The following SDK1 variants were observed in gnomAD, a reference collection of about 807,000 sequenced individuals.
The protein encoded by SDK1 is sidekick cell adhesion molecule 1, also known as protein sidekick-1.
A neutral mutation model predicts 245.5 loss-of-function variants in SDK1; 157 were observed. That is an observed-to-expected ratio of 0.64 (90% CI 0.56 to 0.73). The LOEUF (loss-of-function observed/expected upper bound fraction) is 0.73, where lower values mean the gene tolerates loss of function less well. Among genes scored for constraint, SDK1 ranks in the 30% least tolerant of loss-of-function variants. The pLI is 0.00. For synonymous variants in SDK1, 1,647 were observed against 1,278.5 expected (o/e 1.29, Z -6.15); for missense variants, 3,583 against 3,002.3 (o/e 1.19, Z -4.52).
intron 1 of SDK1, among the ~76,000 whole-genome samples, chr7:3,336,006 C>T (rs1038664755): frequency 1.3e-5 from 2 of 152,088 alleles, no homozygotes; most frequent in Non-Finnish European, 2.9e-5. Flanking sequence ...TTACTATCTC[C>T]CACATGTCTA....
chr7:3,320,518 A>G (rs1779776561), intron 1 of SDK1, among the ~76,000 whole-genome samples: 2 of 152,148 alleles, frequency 1.3e-5, no homozygotes, highest in African/African-American at 4.8e-5. Context: ...GGTATATGAA[A>G]ACCCTAAAGA....
At chr7:3,832,549 G>T (rs897158750) in intron 5 of SDK1, among the ~76,000 whole-genome samples, 1 of 152,168 alleles carries the variant, frequency 6.6e-6, no homozygotes, top group African/African-American at 2.4e-5. Flanking sequence ...TAAAGTATCT[G>T]TTAAAGTGAA....
intron 1 of SDK1, among the ~76,000 whole-genome samples, chr7:3,581,115 T>C (rs1397225221): frequency 6.6e-6 from 1 of 151,794 alleles, no homozygotes; most frequent in African/African-American, 2.4e-5. Context: ...ACAAATGGGA[T>C]CTAATTAAAC....
Position 4,251,454 on chromosome 7 carries a change from A to C in SDK1, c.6381+5649A>C, listed in dbSNP as rs116233718. On this transcript the variant is annotated intron_variant, in intron 44 of 44. Coordinates refer to ENST00000404826, the MANE Select transcript of SDK1 (RefSeq NM_152744.4). ...TCCTCCACCAGAGAGCTGTGAGGAC[A>C]CATAGGAATTGTTGTCTACCACGGC... is the stretch of plus-strand genomic sequence containing the variant. Among the ~76,000 whole-genome samples the C allele has an allele frequency of 6.8e-3, 1,037 of 152,332 alleles. 11 individuals are homozygous for C. The highest frequency in any genetic ancestry group is 0.02 in the African/African-American group (834 of 41,576).
chr7:4,004,796 T>A (rs540581265), intron 14 of SDK1, among the ~76,000 whole-genome samples: 4 of 152,282 alleles, frequency 2.6e-5, no homozygotes, highest in East Asian at 1.9e-4. Context: ...CACCTGCTAT[T>A]CAGTCTATAT....
intron 1 of SDK1, among the ~76,000 whole-genome samples, chr7:3,354,985 T>G (rs1780754042): frequency 6.6e-6 from 1 of 152,214 alleles, no homozygotes; most frequent in Non-Finnish European, 1.5e-5. Context: ...GTGGGGAAGC[T>G]CTAATTATAT....
At chr7:3,962,520 T>C in intron 8 of SDK1, 137 bp from the exon 9 acceptor site, 1 of 724,736 alleles carries the variant, frequency 1.4e-6, no homozygotes, top group Non-Finnish European at 2.2e-6. Flanking sequence ...AATAGCTCCT[T>C]ATAGGGTGGT....
At chr7:3,715,375 G>C (rs769292882) in intron 4 of SDK1, among the ~76,000 whole-genome samples, 2 of 152,254 alleles carry the variant, frequency 1.3e-5, no homozygotes, top group Middle Eastern at 3.4e-3. Flanking sequence ...GGTAGGCTAC[G>C]TAGGTTCTTC....
At chr7:3,441,986 C>G (rs1032553750) in intron 1 of SDK1, among the ~76,000 whole-genome samples, 3 of 152,148 alleles carry the variant, frequency 2.0e-5, no homozygotes, top group African/African-American at 4.8e-5. Flanking sequence ...GATGCCTTAT[C>G]CAGAGCAGCT....
rs1292199670 is a variant in SDK1 at position 3,418,145 on chromosome 7, G to GCAAAAAAAAAA, written c.298+116261_298+116262insCAAAAAAAAAA. ...GTGAAACCCGATCTCTACTAAAAAT[G>GCAAAAAAAAAA]AAAAAAAAAAAAAAAAAAAAAAATA... On this transcript the variant is annotated intron_variant, in intron 1 of 44. Transcript: ENST00000404826. Among the ~76,000 whole-genome samples, 98 of 119,718 alleles carry GCAAAAAAAAAA rather than the reference G, an allele frequency of 8.2e-4. 8 individuals are homozygous for GCAAAAAAAAAA. Among genetic ancestry groups the GCAAAAAAAAAA allele is most frequent in the African/African-American group, 3.4e-3 (87 of 25,780 alleles). The allele number at this position is 119,718 out of a possible 152,430, so 78.5% of individuals were successfully genotyped here. A position where few individuals can be genotyped will look rare whatever the true frequency, so the allele number is the denominator to read the frequency against.
chr7:3,688,656 T>C (rs562193888), intron 4 of SDK1, among the ~76,000 whole-genome samples: 121 of 152,354 alleles, frequency 7.9e-4, no homozygotes, highest in African/African-American at 2.7e-3. Context: ...TTTCCTCATC[T>C]AGAGTTTTAG....
chr7:4,079,283 G>A (rs1780904317), intron 21 of SDK1, among the ~76,000 whole-genome samples, 180 bp from the exon 22 acceptor site: 1 of 152,234 alleles, frequency 6.6e-6, no homozygotes, highest in South Asian at 2.1e-4. Flanking sequence ...CAAAAACCAT[G>A]CACTGATCAT....
chr7:3,804,000 G>C (rs1447697842), intron 4 of SDK1, among the ~76,000 whole-genome samples: 1 of 152,056 alleles, frequency 6.6e-6, no homozygotes, highest in African/African-American at 2.4e-5. Flanking sequence ...TCCTGACCTC[G>C]TGATCCACCT....
At chr7:3,934,847 A>G (rs1780100655) in intron 5 of SDK1, among the ~76,000 whole-genome samples, 1 of 152,210 alleles carries the variant, frequency 6.6e-6, no homozygotes, top group African/African-American at 2.4e-5. Context: ...CAAAGGACAC[A>G]GCATGGAAAG....
At chr7:4,108,285 G>T (rs531546784) in intron 22 of SDK1, among the ~76,000 whole-genome samples, 121 of 152,306 alleles carry the variant, frequency 7.9e-4, no homozygotes, top group Admixed American at 2.2e-3. Context: ...CCAACCCCAG[G>T]TTCGCCTAGA....
chr7:3,909,273 T>C (rs77057753), intron 5 of SDK1, among the ~76,000 whole-genome samples: 9,049 of 152,136 alleles, frequency 0.059, 905 homozygotes, highest in African/African-American at 0.21. Flanking sequence ...CAGCAGGCTC[T>C]CTCGGGTGGT....
intron 2 of SDK1, among the ~76,000 whole-genome samples, chr7:3,621,640 C>T (rs539377920): frequency 1.3e-5 from 2 of 152,256 alleles, no homozygotes; most frequent in South Asian, 2.1e-4. Flanking sequence ...GTGTAGGCAC[C>T]AAGCCATTTC....
intron 1 of SDK1, among the ~76,000 whole-genome samples, chr7:3,477,058 C>G (rs1583916621): frequency 1.3e-5 from 2 of 152,246 alleles, no homozygotes; most frequent in East Asian, 3.9e-4. Flanking sequence ...TCAAATGAGT[C>G]TGATTGTGAC....
intron 5 of SDK1, among the ~76,000 whole-genome samples, chr7:3,903,131 G>GGTTTTGTTTTTT (rs1781844801): frequency 6.7e-6 from 1 of 149,300 alleles, no homozygotes; most frequent in South Asian, 2.2e-4. Flanking sequence ...GTTTGTTTGT[G>GGTTTTGTTTTTT]GTTTTGTTTT....
Sources: allele counts gnomAD v4.1 joint callset (sites outside exome capture counted in the v4.1 genomes callset), GRCh38; gene constraint gnomAD v4.1.1; transcripts MANE v1.5; gene names NCBI Gene and HGNC (gene_info 2026-07-23, HGNC 2026-07-21).